The following MACF1 variants were observed in gnomAD, a reference collection of about 807,000 sequenced individuals.
MACF1 encodes the protein microtubule-actin cross-linking factor 1.
In MACF1, 193 loss-of-function variants were observed where a neutral mutation model predicts 854.8. That is an observed-to-expected ratio of 0.23 (90% CI 0.20 to 0.25). The LOEUF (loss-of-function observed/expected upper bound fraction) is 0.25, where lower values mean the gene tolerates loss of function less well. Among genes scored for constraint, MACF1 ranks in the 10% least tolerant of loss-of-function variants. MACF1 has a pLI of 1.00. For missense variants in MACF1, 7,722 were observed against 8,929.1 expected (o/e 0.86, Z 5.45); for synonymous variants, 3,185 against 3,226.7 (o/e 0.99, Z 0.44).
chr1:39,432,737 G>A, intron 67 of MACF1, 83 bp downstream of exon 67: 1 of 1,383,250 alleles, frequency 7.2e-7, no homozygotes, highest in Non-Finnish European at 9.8e-7. Context: ...CCCATGTCAA[G>A]TGGAATAATT....
At chr1:39,443,695 T>C (rs756333134) in intron 79 of MACF1, 121 bp downstream of exon 79, 1 of 1,128,546 alleles carries the variant, frequency 8.9e-7, no homozygotes, top group Non-Finnish European at 1.2e-6. Flanking sequence ...TTATCAAACA[T>C]ATAGTATAAC....
At chr1:39,421,943 C>T (rs1386608990) in intron 58 of MACF1, among the ~76,000 whole-genome samples, 1 of 151,956 alleles carries the variant, frequency 6.6e-6, no homozygotes, top group Non-Finnish European at 1.5e-5. Flanking sequence ...GGCATGGTGG[C>T]GGGCGTCTGT....
At chr1:39,117,232 G>A (rs1387735258) in intron 2 of MACF1, among the ~76,000 whole-genome samples, 2 of 151,754 alleles carry the variant, frequency 1.3e-5, no homozygotes, top group Non-Finnish European at 2.9e-5. Context: ...CTACTTGCTT[G>A]GTTTTTTTTC....
At chr1:39,166,771 A>G (rs1400353542) in intron 2 of MACF1, among the ~76,000 whole-genome samples, 2 of 151,272 alleles carry the variant, frequency 1.3e-5, no homozygotes, top group Admixed American at 1.3e-4. Context: ...TTTTTAAGAC[A>G]GAGGAATGAC....
At chr1:39,264,567 T>A (rs2148350364) in intron 6 of MACF1, among the ~76,000 whole-genome samples, 1 of 152,242 alleles carries the variant, frequency 6.6e-6, no homozygotes, top group East Asian at 1.9e-4. Flanking sequence ...ATAAATAGGC[T>A]GTAATGTCTG....
intron 2 of MACF1, among the ~76,000 whole-genome samples, chr1:39,189,600 CCT>C (rs767205209): frequency 3.2e-4 from 48 of 152,302 alleles, no homozygotes; most frequent in Non-Finnish European, 5.4e-4. Context: ...TGCTATCTCT[CCT>C]CCTGGAGTGT....
At chr1:39,462,549 CAAAA>C (rs11304821) in intron 93 of MACF1, among the ~76,000 whole-genome samples, 1 of 138,026 alleles carries the variant, frequency 7.2e-6, no homozygotes. Flanking sequence ...TCCCCCCCGC[CAAAA>C]AAAAAAAAAA....
chr1:39,404,149 GTAAATAAATAAA>G (rs60859213), intron 58 of MACF1, among the ~76,000 whole-genome samples: 125 of 148,540 alleles, frequency 8.4e-4, no homozygotes, highest in East Asian at 3.9e-3. Flanking sequence ...AAATAAGTAA[GTAAATAAATAAA>G]TAAATAAATA....
intron 53 of MACF1, 27 bp from the exon 54 acceptor site, chr1:39,379,176 A>G (rs201144847): frequency 5.2e-6 from 8 of 1,544,644 alleles, no homozygotes; most frequent in African/African-American, 1.4e-5. Context: ...GCTGTCTCCA[A>G]TCTGATTTCT....
chr1:39,153,663 T>C (rs1352221878), intron 2 of MACF1, among the ~76,000 whole-genome samples: 1 of 152,222 alleles, frequency 6.6e-6, no homozygotes, highest in Non-Finnish European at 1.5e-5. Context: ...AGACCTACAC[T>C]TAATTTCCTT....
At chr1:39,245,097 T>C (rs140499927) in intron 2 of MACF1, among the ~76,000 whole-genome samples, 2 of 152,352 alleles carry the variant, frequency 1.3e-5, no homozygotes, top group East Asian at 3.9e-4. Flanking sequence ...TCTAAATTTC[T>C]TATAATATGT....
chr1:39,119,240 C>A (rs1642625788), intron 2 of MACF1, among the ~76,000 whole-genome samples: 1 of 150,814 alleles, frequency 6.6e-6, no homozygotes, highest in South Asian at 2.1e-4. Flanking sequence ...TCGCTTGAAC[C>A]CGGGAGGCGG....
At chr1:39,336,720 T>C (rs1207442155) in intron 37 of MACF1, 67 bp downstream of exon 37, 1 of 1,418,748 alleles carries the variant, frequency 7.0e-7, no homozygotes, top group African/African-American at 1.4e-5. Flanking sequence ...AATTCTTAAC[T>C]GGGTACAGAG....
At chr1:39,290,544 A>AT (rs772404038) in intron 15 of MACF1, among the ~76,000 whole-genome samples, 22 of 134,044 alleles carry the variant, frequency 1.6e-4, no homozygotes, top group African/African-American at 3.3e-4. Flanking sequence ...AAATTTTAGA[A>AT]TTTTTTTTTT....
chr1:39,472,838 CA>C (rs1164693012), intron 97 of MACF1, among the ~76,000 whole-genome samples: 1 of 152,156 alleles, frequency 6.6e-6, no homozygotes, highest in Non-Finnish European at 1.5e-5. Flanking sequence ...TCTAAAGCCC[CA>C]ATTAAAGTAA....
intron 2 of MACF1, among the ~76,000 whole-genome samples, chr1:39,151,371 A>G (rs1288849842): frequency 2.0e-5 from 3 of 152,158 alleles, no homozygotes; most frequent in African/African-American, 7.2e-5. Flanking sequence ...CGTTACTGCC[A>G]GAATGCTCTT....
intron 6 of MACF1, among the ~76,000 whole-genome samples, chr1:39,270,076 G>A (rs955139531): frequency 1.3e-5 from 2 of 152,224 alleles, no homozygotes; most frequent in Non-Finnish European, 2.9e-5. Flanking sequence ...CACAAGAGAC[G>A]ATGGGGAAGG....
chr1:39,384,741 C>G (rs1650539698), intron 56 of MACF1, among the ~76,000 whole-genome samples: 1 of 152,182 alleles, frequency 6.6e-6, no homozygotes, highest in Non-Finnish European at 1.5e-5. Flanking sequence ...ACATGGCAAG[C>G]CCAGCTAGTA....
chr1:39,467,360 A>G (rs1644692049), intron 95 of MACF1, among the ~76,000 whole-genome samples: 1 of 152,138 alleles, frequency 6.6e-6, no homozygotes, highest in Admixed American at 6.5e-5. Context: ...ACGAGACTCC[A>G]TCTCAAAAAA....
Sources: allele counts gnomAD v4.1 joint callset (sites outside exome capture counted in the v4.1 genomes callset), GRCh38; gene constraint gnomAD v4.1.1; transcripts MANE v1.5; gene names NCBI Gene and HGNC (gene_info 2026-07-23, HGNC 2026-07-21).